C12orf60: variants seen among roughly 807,000 people sequenced by gnomAD.
The protein encoded by C12orf60 is chromosome 12 open reading frame 60.
For missense variants in C12orf60, 284 were observed against 283.2 expected, an observed-to-expected ratio of 1.00 and a Z score of -0.02; for synonymous variants, 102 against 94.6, an observed-to-expected ratio of 1.08 and a Z score of -0.45.
At chr12:14,810,151 T>C (rs1157025582) in intron 1 of C12orf60, among the ~76,000 whole-genome samples, 1 of 152,200 alleles carries the variant, frequency 6.6e-6, no homozygotes, top group Admixed American at 6.5e-5. Context: ...CTTACCTTCC[T>C]AGCTTTTTTC....
intron 1 of C12orf60, among the ~76,000 whole-genome samples, chr12:14,819,222 A>AT (rs1565422167): frequency 1.3e-5 from 2 of 151,918 alleles, no homozygotes; most frequent in African/African-American, 4.8e-5. Flanking sequence ...TCAGAATTTT[A>AT]TTTTTTTAAA....
intron 1 of C12orf60, among the ~76,000 whole-genome samples, chr12:14,819,994 C>G (rs1950280583): frequency 1.3e-5 from 2 of 151,898 alleles, no homozygotes; most frequent in South Asian, 4.1e-4. Context: ...ACCATCTGTG[C>G]CTTGATTTTC....
intron 1 of C12orf60, among the ~76,000 whole-genome samples, chr12:14,816,330 C>T (rs1950218060): frequency 6.6e-6 from 1 of 152,142 alleles, no homozygotes; most frequent in South Asian, 2.1e-4. Context: ...TCCTAAAGCT[C>T]ATCCCCTTCT....
chr12:14,818,840 C>T (rs56396827), intron 1 of C12orf60, among the ~76,000 whole-genome samples: 22,881 of 152,110 alleles, frequency 0.15, 2,008 homozygotes, highest in Non-Finnish European at 0.2. Context: ...TTCTAGACTT[C>T]CTGTTCTGTT....
intron 1 of C12orf60, among the ~76,000 whole-genome samples, chr12:14,809,220 A>G (rs1383765523): frequency 6.6e-6 from 1 of 152,230 alleles, no homozygotes; most frequent in East Asian, 1.9e-4. Context: ...CAAGATAAAC[A>G]AATGGAGAAA....
intron 1 of C12orf60, among the ~76,000 whole-genome samples, chr12:14,814,764 C>T (rs1487465237): frequency 6.6e-6 from 1 of 152,154 alleles, no homozygotes; most frequent in African/African-American, 2.4e-5. Context: ...GATCAGTCTT[C>T]CCTGCTGCTT....
At chr12:14,821,898 A>T (rs1196772527) in intron 1 of C12orf60, among the ~76,000 whole-genome samples, 1 of 151,228 alleles carries the variant, frequency 6.6e-6, no homozygotes, top group Non-Finnish European at 1.5e-5. Context: ...GTAGAGTGGG[A>T]AGAGTGAAAA....
intron 1 of C12orf60, chr12:14,806,622 C>A: frequency 6.2e-7 from 1 of 1,613,088 alleles, no homozygotes; most frequent in Non-Finnish European, 8.5e-7. Context: ...CTGGTGAAGA[C>A]GATTTACTTC....
intron 1 of C12orf60, among the ~76,000 whole-genome samples, chr12:14,815,635 A>T (rs1950203356): frequency 1.3e-5 from 2 of 152,194 alleles, no homozygotes; most frequent in Admixed American, 1.3e-4. Flanking sequence ...GGAGATTTGG[A>T]TTTCAGGAAG....
intron 1 of C12orf60, among the ~76,000 whole-genome samples, chr12:14,810,739 T>C (rs1328418095): frequency 1.3e-5 from 2 of 152,216 alleles, no homozygotes; most frequent in Non-Finnish European, 2.9e-5. Flanking sequence ...TATTCTTAGA[T>C]ATGTGCTTGA....
In C12orf60 at chr12:14,812,306, C is replaced by T. The variant is rs555044384; in HGVS notation, c.-25+8555C>T. Among the ~76,000 whole-genome samples the T allele has an allele frequency of 7.5e-3, 1,142 of 152,112 alleles. 16 individuals carry two copies. Among genetic ancestry groups the T allele is most frequent in the African/African-American group, 0.026 (1,064 of 41,516 alleles). On this transcript the variant is annotated intron_variant, in intron 1 of 1. Coordinates refer to ENST00000330828, the MANE Select transcript of C12orf60 (RefSeq NM_175874.4). ...AAAAATACAAAAAATTAGCCGGGCG[C>T]GGTGGCGGGCGCCTGTAGTCCCAGC... is the stretch of plus-strand genomic sequence containing the variant.
chr12:14,817,863 G>C (rs1950246912), intron 1 of C12orf60, among the ~76,000 whole-genome samples: 1 of 152,106 alleles, frequency 6.6e-6, no homozygotes, highest in Non-Finnish European at 1.5e-5. Context: ...GGATTGATGG[G>C]TCAAATAGTA....
intron 1 of C12orf60, chr12:14,806,110 C>T: frequency 6.2e-7 from 1 of 1,614,142 alleles, no homozygotes. Context: ...CTTTTGATGG[C>T]TGCTTGAAGC....
At chr12:14,806,642 T>G (rs769093901) in intron 1 of C12orf60, 1 of 1,610,216 alleles carries the variant, frequency 6.2e-7, no homozygotes, top group South Asian at 1.1e-5. Context: ...CTTCCCGCCT[T>G]TTTGGGTTCT....
chr12:14,806,170 C>G (rs1050849792), intron 1 of C12orf60: 5 of 1,614,078 alleles, frequency 3.1e-6, no homozygotes, highest in Non-Finnish European at 4.2e-6. Context: ...ATATCTATGC[C>G]AAGGCCAAGA....
rs749737279 is a variant in C12orf60, at chr12:14,806,023, C to G, written c.-25+2272C>G. 151 of 1,610,086 alleles carry G rather than the reference C, an allele frequency of 9.4e-5. No individual in the cohort carries two copies. The highest frequency in any genetic ancestry group is 1.2e-4 in the Non-Finnish European group (144 of 1,177,912). On this transcript the variant is annotated intron_variant, in intron 1 of 1. Transcript: ENST00000330828. ...GCTGTTCATTTCATTTGGTGTTTCA[C>G]TGTATTGATGACCTCAGTAATGGCA... is the stretch of plus-strand genomic sequence containing the variant.
In C12orf60 at chr12:14,819,437, G is replaced by A. The variant is rs191011255; in HGVS notation, c.-24-3475G>A. On this transcript the variant is annotated intron_variant, in intron 1 of 1. Transcript: ENST00000330828. ...AAGAACTTTTGTGTAGATTCCTTGG[G>A]ATTTTGTATGTAGACATCATGTTGT... Among the ~76,000 whole-genome samples, 450 of 151,910 alleles carry A rather than the reference G, an allele frequency of 3.0e-3. 3 individuals carry two copies. Among genetic ancestry groups the A allele is most frequent in the African/African-American group, 0.011 (442 of 41,450 alleles).
At chr12:14,817,418 G>A (rs1950238987) in intron 1 of C12orf60, among the ~76,000 whole-genome samples, 1 of 152,126 alleles carries the variant, frequency 6.6e-6, no homozygotes, top group Non-Finnish European at 1.5e-5. Flanking sequence ...TTGTTACACA[G>A]GTATACATGT....
Position 14,823,489 on chromosome 12 carries a change from T to C in C12orf60, c.554T>C (p.Ile185Thr), listed in dbSNP as rs1950337991. ...SPPGSSKTTM[I>T]DTLKKLQDVL... ...CCAGGTTCTTCCAAAACCACTATGA[T>C]AGACACCTTGAAAAAACTGCAGGAT... The change falls in exon 2 of 2, where the codon ATA becomes ACA. Residue 185 changes from isoleucine (I) to threonine (T), a missense_variant. Physicochemically the swap from Ile to Thr is moderately conservative, Grantham distance 89. Coordinates refer to ENST00000330828, the MANE Select transcript of C12orf60 (RefSeq NM_175874.4). The C allele has an allele frequency of 3.7e-6, 6 of 1,611,408 alleles. No homozygotes were observed. Among genetic ancestry groups the C allele is most frequent in the Non-Finnish European group, 5.1e-6 (6 of 1,179,084 alleles).
Sources: gnomAD v4.1 joint callset for allele counts (sites outside exome capture counted in the v4.1 genomes callset) on GRCh38, gnomAD v4.1.1 for gene constraint, MANE v1.5 for transcripts, NCBI Gene and HGNC (gene_info 2026-07-23, HGNC 2026-07-21) for gene names.